SPDYA: variants seen among roughly 807,000 people sequenced by gnomAD.
SPDYA encodes the protein speedy/RINGO cell cycle regulator family member A, also known as speedy protein A.
A neutral mutation model predicts 36.7 loss-of-function variants in SPDYA; 11 were observed. The ratio of observed to expected loss-of-function variants is 0.30; its 90% CI spans 0.19 to 0.50. The LOEUF (loss-of-function observed/expected upper bound fraction) is 0.50. Ranked by LOEUF, SPDYA falls within the 20% of genes least tolerant of loss-of-function variation. SPDYA has a pLI of 0.98. For missense variants in SPDYA, 287 were observed against 370.9 expected, an observed-to-expected ratio of 0.77 and a Z score of 1.86; for synonymous variants, 115 against 118.7, an observed-to-expected ratio of 0.97 and a Z score of 0.20.
chr2:28,826,514 T>G (rs1668323084), intron 5 of SPDYA, among the ~76,000 whole-genome samples: 1 of 151,828 alleles, frequency 6.6e-6, no homozygotes, highest in South Asian at 2.1e-4. Flanking sequence ...TCCTCTGCTA[T>G]CTCCTTTTTC....
chr2:28,833,274 G>T (rs763071615), intron 6 of SPDYA, among the ~76,000 whole-genome samples: 3 of 152,032 alleles, frequency 2.0e-5, no homozygotes, highest in Non-Finnish European at 4.4e-5. Context: ...GTCCTACATG[G>T]TCTATCAGCC....
intron 6 of SPDYA, among the ~76,000 whole-genome samples, chr2:28,837,877 T>C (rs1668648206): frequency 6.6e-6 from 1 of 151,822 alleles, no homozygotes; most frequent in Admixed American, 6.6e-5. Flanking sequence ...TTAACACCTA[T>C]ATTATACTAC....
chr2:28,842,782 T>C (rs1668779371), intron 7 of SPDYA, among the ~76,000 whole-genome samples: 1 of 152,146 alleles, frequency 6.6e-6, no homozygotes, highest in Non-Finnish European at 1.5e-5. Flanking sequence ...TTTCCTCCAA[T>C]AGTTTTAATG....
intron 6 of SPDYA, among the ~76,000 whole-genome samples, chr2:28,834,081 AACACACACACACAC>A (rs56865803): frequency 6.8e-6 from 1 of 146,874 alleles, no homozygotes; most frequent in Non-Finnish European, 1.5e-5. Flanking sequence ...AAATTGCTAA[AACACACACACACAC>A]ACACACACAC....
rs117181935 is a variant in SPDYA at position 28,815,926 on chromosome 2, T to A, written c.-18-71T>A. The A allele has an allele frequency of 9.0e-4, 868 of 960,090 alleles. 9 individuals carry two copies. In the East Asian group the frequency reaches 0.021, roughly 23 times the overall value. The allele number at this position is 960,090 out of a possible 1,614,324, so 59.5% of individuals were successfully genotyped here. On this transcript the variant is annotated intron_variant, in intron 2 of 7. Coordinates refer to ENST00000334056, the MANE Select transcript of SPDYA (RefSeq NM_182756.4). ...CATTTTATATGACTGCATATGGTAG[T>A]ATCATCCAGTTAGTTGTTTATATAT... is the stretch of plus-strand genomic sequence containing the variant.
chr2:28,841,622 T>C (rs947988894), intron 7 of SPDYA, among the ~76,000 whole-genome samples: 1 of 152,178 alleles, frequency 6.6e-6, no homozygotes, highest in African/African-American at 2.4e-5. Flanking sequence ...CACAAAGATA[T>C]TAATAGTGGC....
intron 7 of SPDYA, 101 bp from the exon 8 acceptor site, chr2:28,849,749 G>C (rs1022679222): frequency 1.6e-6 from 1 of 634,452 alleles, no homozygotes; most frequent in Non-Finnish European, 2.6e-6. Flanking sequence ...CTGTAGCCCA[G>C]ATTTCCTTAT....
rs556721576 is a variant in SPDYA, at chr2:28,824,561, T to C, written c.380+2151T>C. Among the ~76,000 whole-genome samples, 40 of 150,644 alleles carry C rather than the reference T, an allele frequency of 2.7e-4. No individual in the cohort carries two copies. The South Asian group carries it at 4.6e-3, about 17-fold the overall frequency. On this transcript the variant is annotated intron_variant, in intron 5 of 7. Coordinates refer to ENST00000334056, the MANE Select transcript of SPDYA (RefSeq NM_182756.4). ...TTTTCTTTTCTTTCTTTCTTTTTTTTTTTGTGACAGAGTCTCTCTCTGTTG... is the reference window on the plus strand; with the variant it reads ...TTTTCTTTTCTTTCTTTCTTTTTTTCTTTGTGACAGAGTCTCTCTCTGTTG...
intron 3 of SPDYA, among the ~76,000 whole-genome samples, chr2:28,817,611 C>G (rs1285657029): frequency 1.3e-5 from 2 of 151,606 alleles, no homozygotes. Flanking sequence ...CGCAGTGGCT[C>G]ATTCCTGTAA....
intron 6 of SPDYA, among the ~76,000 whole-genome samples, chr2:28,833,668 C>A (rs999467747): frequency 6.6e-6 from 1 of 152,080 alleles, no homozygotes; most frequent in African/African-American, 2.4e-5. Context: ...TATCTACAAG[C>A]AAAAGAATGA....
intron 6 of SPDYA, among the ~76,000 whole-genome samples, chr2:28,838,710 G>A (rs1423799696): frequency 3.9e-5 from 6 of 152,100 alleles, no homozygotes; most frequent in African/African-American, 9.7e-5. Context: ...GGTGGCTCAC[G>A]CCTGTAATCC....
Position 28,811,550 on chromosome 2 carries a change from A to G in SPDYA, c.-93+603A>G, listed in dbSNP as rs997977153. On this transcript the variant is annotated intron_variant, in intron 1 of 7. Transcript: ENST00000334056. This position sits in a 1 kb window ranked among gnomAD's most constrained non-coding sequence, Gnocchi z 4.2. ...CTTACATGACATCCAGTAGGACTGG[A>G]GGGCCCCTAGCCTCAATCTTTTAAA... 1.5e-4 allele frequency among the ~76,000 whole-genome samples: 23 copies of G among 152,190 alleles called. No individual in the cohort carries two copies. Among genetic ancestry groups the G allele is most frequent in the African/African-American group, 5.3e-4 (22 of 41,524 alleles).
At chr2:28,818,989 T>C in intron 3 of SPDYA, 59 bp from the exon 4 acceptor site, 10 of 1,328,122 alleles carry the variant, frequency 7.5e-6, no homozygotes, top group Non-Finnish European at 1.1e-5. Context: ...TAGAAATTAA[T>C]TCTTCAAAAG....
chr2:28,840,545 G>C (rs957725420), intron 7 of SPDYA, 76 bp downstream of exon 7: 2 of 1,523,790 alleles, frequency 1.3e-6, no homozygotes, highest in African/African-American at 2.8e-5. Flanking sequence ...TTCTGGCGGG[G>C]ATACATAATA....
intron 7 of SPDYA, 27 bp from the exon 8 acceptor site, chr2:28,849,823 T>G: frequency 7.5e-7 from 1 of 1,337,594 alleles, no homozygotes; most frequent in Non-Finnish European, 1.0e-6. Context: ...ACATAAAATT[T>G]ATCTTAAAAT....
intron 7 of SPDYA, among the ~76,000 whole-genome samples, chr2:28,847,246 G>A (rs1668900251): frequency 6.6e-6 from 1 of 152,128 alleles, no homozygotes; most frequent in Admixed American, 6.6e-5. Context: ...GGGAGGCTAA[G>A]ACAGGAGAAT....
intron 6 of SPDYA, among the ~76,000 whole-genome samples, chr2:28,834,107 C>G (rs1471621013): frequency 6.6e-6 from 1 of 151,844 alleles, no homozygotes; most frequent in Non-Finnish European, 1.5e-5. Context: ...CACACACACA[C>G]ACACACACTT....
intron 6 of SPDYA, among the ~76,000 whole-genome samples, chr2:28,830,499 G>A (rs979825093): frequency 4.6e-5 from 7 of 151,894 alleles, no homozygotes; most frequent in African/African-American, 1.5e-4. Flanking sequence ...CACCGTGCCC[G>A]GCTTATAGTA....
chr2:28,816,334 AAG>A (rs1667983129), intron 3 of SPDYA, 85 bp downstream of exon 3: 1 of 1,008,844 alleles, frequency 9.9e-7, no homozygotes, highest in Admixed American at 3.1e-5. Flanking sequence ...ATTCTGATCA[AAG>A]AGGATATCAT....
Sources: allele counts gnomAD v4.1 joint callset (sites outside exome capture counted in the v4.1 genomes callset), GRCh38; gene constraint gnomAD v4.1.1; non-coding constraint Gnocchi (gnomAD v3.1); transcripts MANE v1.5; gene names NCBI Gene and HGNC (gene_info 2026-07-23, HGNC 2026-07-21).